CCBE1: variants seen among roughly 807,000 people sequenced by gnomAD.
The protein encoded by CCBE1 is collagen and calcium-binding EGF domain-containing protein 1.
CCBE1 carries 37 observed loss-of-function variants against 50.0 expected under a neutral mutation model. That is an observed-to-expected ratio of 0.74 (90% confidence interval 0.57 to 0.97). The LOEUF is 0.97. Ranked by LOEUF, CCBE1 falls within the 50% of genes least tolerant of loss-of-function variation. The probability of loss-of-function intolerance (pLI) is 0.00; values close to 1 mark genes in which losing one functional copy is unlikely to be tolerated. For synonymous variants in CCBE1, 234 were observed against 203.7 expected (o/e 1.15, Z -1.27); for missense variants, 538 against 523.8 (o/e 1.03, Z -0.26).
At chr18:59,480,414 A>G (rs924298585) in intron 2 of CCBE1, among the ~76,000 whole-genome samples, 176 bp from the exon 3 acceptor site, 1 of 152,314 alleles carries the variant, frequency 6.6e-6, no homozygotes, top group South Asian at 2.1e-4. Context: ...TCAATAATAC[A>G]TGACATTTTC....
chr18:59,569,635 T>TAA (rs34318969), intron 2 of CCBE1, among the ~76,000 whole-genome samples: 15 of 147,048 alleles, frequency 1.0e-4, no homozygotes, highest in African/African-American at 3.7e-4. Flanking sequence ...CCCGCCCTTT[T>TAA]AAAAAAAAAA....
In CCBE1 at chr18:59,480,158, C is replaced by G. The variant is rs1790508; in HGVS notation, c.265+28G>C. 855,664 of 1,389,622 alleles carry G rather than the reference C, an allele frequency of 0.62. 266,523 individuals carry two copies. The highest frequency in any genetic ancestry group is 0.83 in the East Asian group (36,282 of 43,566). 86.1% of individuals were successfully genotyped at this position (1,389,622 alleles called of 1,614,324 possible). On this transcript the variant is annotated intron_variant, in intron 3 of 10. Transcript: ENST00000439986. ...TTGAATGATTAGTTGTGAATAAAGT[C>G]AGACAATATCTTTTTTATATTACAT... is the stretch of plus-strand genomic sequence containing the variant.
intron 2 of CCBE1, among the ~76,000 whole-genome samples, chr18:59,644,039 T>C (rs549669310): frequency 3.8e-4 from 58 of 152,272 alleles, no homozygotes; most frequent in African/African-American, 1.4e-3. Flanking sequence ...TACCAGGGAC[T>C]GGTTTCATGG....
intron 10 of CCBE1, among the ~76,000 whole-genome samples, chr18:59,437,713 C>T (rs759549529): frequency 6.6e-6 from 1 of 152,178 alleles, no homozygotes; most frequent in Non-Finnish European, 1.5e-5. Context: ...AGATGGCCAT[C>T]TGGCCTGCTA....
chr18:59,448,359 C>A (rs1189407218), intron 6 of CCBE1, among the ~76,000 whole-genome samples: 1 of 152,158 alleles, frequency 6.6e-6, no homozygotes, highest in Non-Finnish European at 1.5e-5. Context: ...CTAGATATCA[C>A]TAGAACTCAT....
intron 2 of CCBE1, among the ~76,000 whole-genome samples, chr18:59,668,725 A>G (rs982185905): frequency 4.6e-5 from 7 of 151,668 alleles, no homozygotes; most frequent in African/African-American, 1.5e-4. Flanking sequence ...GATTTCTCAC[A>G]TGGCTAAGGC....
chr18:59,615,733 TC>T (rs1568235563), intron 2 of CCBE1, among the ~76,000 whole-genome samples: 1 of 151,966 alleles, frequency 6.6e-6, no homozygotes, highest in Admixed American at 6.6e-5. Flanking sequence ...TCTCCACTAA[TC>T]CCCCCTACTC....
At chr18:59,619,278 A>T (rs1023395318) in intron 2 of CCBE1, among the ~76,000 whole-genome samples, 1 of 152,190 alleles carries the variant, frequency 6.6e-6, no homozygotes, top group African/African-American at 2.4e-5. Context: ...ATGTTTTCCA[A>T]ATTGAAAGCC....
intron 2 of CCBE1, among the ~76,000 whole-genome samples, chr18:59,604,167 C>G (rs540954345): frequency 5.3e-5 from 8 of 152,228 alleles, no homozygotes; most frequent in African/African-American, 1.9e-4. Flanking sequence ...CCTCTTCACC[C>G]CATAAGAGCT....
intron 5 of CCBE1, among the ~76,000 whole-genome samples, chr18:59,464,712 T>G (rs1350863017): frequency 1.3e-5 from 2 of 152,234 alleles, no homozygotes; most frequent in Non-Finnish European, 2.9e-5. Flanking sequence ...AATTTCACTT[T>G]GTAGTTCTCC....
chr18:59,628,149 T>G (rs1213131540), intron 2 of CCBE1, among the ~76,000 whole-genome samples: 3 of 152,072 alleles, frequency 2.0e-5, no homozygotes, highest in Non-Finnish European at 4.4e-5. Flanking sequence ...GGGGGCAAGC[T>G]GAGACTGCAG....
intron 2 of CCBE1, among the ~76,000 whole-genome samples, chr18:59,674,985 G>A (rs1390292480): frequency 6.6e-6 from 1 of 152,092 alleles, no homozygotes; most frequent in Non-Finnish European, 1.5e-5. Context: ...TTCTTCTTCT[G>A]TTTCCACCAA....
At chr18:59,586,215 A>G (rs2053176667) in intron 2 of CCBE1, among the ~76,000 whole-genome samples, 1 of 152,220 alleles carries the variant, frequency 6.6e-6, no homozygotes, top group African/African-American at 2.4e-5. Context: ...TTTTAAAACA[A>G]AAGTCACATG....
intron 2 of CCBE1, among the ~76,000 whole-genome samples, chr18:59,562,766 C>G (rs963538456): frequency 3.9e-5 from 6 of 152,304 alleles, no homozygotes; most frequent in Admixed American, 3.9e-4. Context: ...GAGCACTCAG[C>G]TGTCCCTAAT....
At chr18:59,524,363 A>C (rs1274031108) in intron 2 of CCBE1, among the ~76,000 whole-genome samples, 1 of 152,158 alleles carries the variant, frequency 6.6e-6, no homozygotes, top group Non-Finnish European at 1.5e-5. Flanking sequence ...TATTCAAAAG[A>C]CTATTTATAT....
At chr18:59,596,381 C>A (rs1437144182) in intron 2 of CCBE1, among the ~76,000 whole-genome samples, 1 of 152,178 alleles carries the variant, frequency 6.6e-6, no homozygotes, top group Non-Finnish European at 1.5e-5. Flanking sequence ...TTGTTCAACA[C>A]TGAAGGTGTC....
At chr18:59,452,612 A>T (rs895729205) in intron 6 of CCBE1, among the ~76,000 whole-genome samples, 1 of 152,008 alleles carries the variant, frequency 6.6e-6, no homozygotes, top group South Asian at 2.1e-4. Context: ...CAAAAACAAC[A>T]AAACCAACGG....
At chr18:59,592,808 T>C (rs1007264425) in intron 2 of CCBE1, among the ~76,000 whole-genome samples, 5 of 152,098 alleles carry the variant, frequency 3.3e-5, no homozygotes, top group Admixed American at 6.5e-5. Flanking sequence ...AAATATCACC[T>C]GCATAAGGAC....
At chr18:59,679,417 C>T (rs543654048) in intron 2 of CCBE1, among the ~76,000 whole-genome samples, 2 of 152,168 alleles carry the variant, frequency 1.3e-5, no homozygotes, top group South Asian at 2.1e-4. Flanking sequence ...TATGAACACC[C>T]TACATTTTAG....
Sources: gnomAD v4.1 joint callset for allele counts (sites outside exome capture counted in the v4.1 genomes callset) on GRCh38, gnomAD v4.1.1 for gene constraint, MANE v1.5 for transcripts, NCBI Gene and HGNC (gene_info 2026-07-23, HGNC 2026-07-21) for gene names.